CLEC16A: variants seen among roughly 807,000 people sequenced by gnomAD.
The protein encoded by CLEC16A is protein CLEC16A.
In CLEC16A, 51 loss-of-function variants were observed where a neutral mutation model predicts 109.5. The ratio of observed to expected loss-of-function variants is 0.47; its 90% CI spans 0.37 to 0.59. CLEC16A has a LOEUF of 0.59. Ranked by LOEUF, CLEC16A falls within the 20% of genes least tolerant of loss-of-function variation. CLEC16A has a pLI of 0.00. For synonymous variants in CLEC16A, 673 were observed against 564.2 expected (o/e 1.19, Z -2.73); for missense variants, 1,339 against 1,394.0 (o/e 0.96, Z 0.63).
chr16:11,149,663 C>A (rs1326074404), intron 22 of CLEC16A, among the ~76,000 whole-genome samples: 1 of 152,024 alleles, frequency 6.6e-6, no homozygotes, highest in Admixed American at 6.6e-5. Flanking sequence ...ATGGTGCCCA[C>A]CGGTAATCCC....
At chr16:11,033,417 C>G (rs971113074) in intron 13 of CLEC16A, among the ~76,000 whole-genome samples, 2 of 152,106 alleles carry the variant, frequency 1.3e-5, no homozygotes, top group Non-Finnish European at 2.9e-5. Context: ...GGAGAAGAAA[C>G]GGAAAAGTTC....
At chr16:11,097,080 T>G (rs1056111652) in intron 19 of CLEC16A, among the ~76,000 whole-genome samples, 12 of 152,134 alleles carry the variant, frequency 7.9e-5, no homozygotes, top group Admixed American at 4.6e-4. Context: ...CCTTTTTAAG[T>G]CCTCCCCACC....
At chr16:11,006,858 C>G (rs2045051813) in intron 11 of CLEC16A, among the ~76,000 whole-genome samples, 1 of 150,214 alleles carries the variant, frequency 6.7e-6, no homozygotes, top group Admixed American at 6.7e-5. Flanking sequence ...TTTGCTCTGC[C>G]TCAGGTCCCA....
rs534994872 is a variant in CLEC16A at position 10,961,927 on chromosome 16, G to A, written c.210-528G>A. ...ACTGGCAGTTAAGGGGAAGAAAACC[G>A]TAGGGCTAAAGCTTTTTGGGAACTT... On this transcript the variant is annotated intron_variant, in intron 2 of 23. Transcript: ENST00000409790. This position sits in a 1 kb window ranked among gnomAD's most constrained non-coding sequence, Gnocchi z 4.3. 1.1e-4 allele frequency among the ~76,000 whole-genome samples: 16 copies of A among 151,660 alleles called. No individual in the cohort carries two copies. Among genetic ancestry groups the A allele is most frequent in the Admixed American group, 3.3e-4 (5 of 15,238 alleles).
At chr16:11,086,865 T>A (rs890411374) in intron 19 of CLEC16A, among the ~76,000 whole-genome samples, 7 of 152,260 alleles carry the variant, frequency 4.6e-5, no homozygotes, top group Non-Finnish European at 7.4e-5. Context: ...CCCATCTCCT[T>A]CAATTCAGTT....
At chr16:11,065,305 G>A (rs2048702422) in intron 19 of CLEC16A, among the ~76,000 whole-genome samples, 1 of 152,186 alleles carries the variant, frequency 6.6e-6, no homozygotes, top group African/African-American at 2.4e-5. Context: ...CTGGCAACCA[G>A]GTGTGTTCAG....
intron 1 of CLEC16A, 109 bp downstream of exon 1, chr16:10,944,906 G>C (rs956200754): frequency 3.7e-6 from 4 of 1,070,934 alleles, no homozygotes; most frequent in Non-Finnish European, 5.4e-6. Flanking sequence ...AAGGGCGCCC[G>C]GGGAAGCCCG....
chr16:11,108,881 C>T (rs12923054), intron 19 of CLEC16A, among the ~76,000 whole-genome samples: 44,869 of 151,728 alleles, frequency 0.3, 6,723 homozygotes, highest in South Asian at 0.38. Flanking sequence ...GAGGCCGAGG[C>T]GGGCGGATCA....
chr16:11,048,801 A>G (rs2047772591), intron 17 of CLEC16A, among the ~76,000 whole-genome samples: 1 of 151,914 alleles, frequency 6.6e-6, no homozygotes, highest in African/African-American at 2.4e-5. Context: ...TTAGAGTGGA[A>G]GGGATTCAGT....
intron 5 of CLEC16A, among the ~76,000 whole-genome samples, chr16:10,972,012 A>T (rs373337818): frequency 6.6e-6 from 1 of 152,226 alleles, no homozygotes; most frequent in Non-Finnish European, 1.5e-5. Context: ...CTGGGCTTAC[A>T]TTAAATTTAA....
chr16:11,093,461 C>G (rs897122833), intron 19 of CLEC16A, among the ~76,000 whole-genome samples: 4 of 152,170 alleles, frequency 2.6e-5, no homozygotes, highest in African/African-American at 9.7e-5. Flanking sequence ...AGTGTACAGG[C>G]CGGGAGCATG....
intron 20 of CLEC16A, 139 bp downstream of exon 20, chr16:11,120,905 T>C: frequency 1.0e-6 from 1 of 957,518 alleles, no homozygotes; most frequent in Admixed American, 4.2e-5. Context: ...GTGAACAAAT[T>C]GTCACCCAAA....
At chr16:11,011,620 A>G (rs2045418880) in intron 11 of CLEC16A, among the ~76,000 whole-genome samples, 1 of 152,172 alleles carries the variant, frequency 6.6e-6, no homozygotes, top group Admixed American at 6.5e-5. Context: ...TTAGAGGCCA[A>G]GATTTGGGCA....
chr16:11,043,489 C>G (rs1225173439), intron 15 of CLEC16A, among the ~76,000 whole-genome samples: 1 of 152,188 alleles, frequency 6.6e-6, no homozygotes. Flanking sequence ...TTAACAGCTT[C>G]TCATGCCATT....
rs5815604 is a variant in CLEC16A at position 10,961,968 on chromosome 16, C to CTT, written c.210-474_210-473dup. Among the ~76,000 whole-genome samples, 1,425 of 135,252 alleles carry CTT rather than the reference C, an allele frequency of 0.011. 30 individuals are homozygous for CTT. Among genetic ancestry groups the CTT allele is most frequent in the African/African-American group, 0.035 (1,274 of 36,208 alleles). The allele number at this position is 135,252 out of a possible 152,430, so 88.7% of individuals were successfully genotyped here. A position where few individuals can be genotyped will look rare whatever the true frequency, so the allele number is the denominator to read the frequency against. ...TTGGGAACTTTTTTTTCTTTTTTTT[C>CTT]TTTTTTTTTTTTTTGGCTCTGTCAC... is the stretch of plus-strand genomic sequence containing the variant. On this transcript the variant is annotated intron_variant, in intron 2 of 23. Coordinates refer to ENST00000409790, the MANE Select transcript of CLEC16A (RefSeq NM_015226.3). The surrounding 1 kb of genome is among the most constrained non-coding windows in gnomAD (Gnocchi z 4.3).
At chr16:11,113,160 C>T (rs958295244) in intron 19 of CLEC16A, among the ~76,000 whole-genome samples, 8 of 152,200 alleles carry the variant, frequency 5.3e-5, no homozygotes, top group South Asian at 4.1e-4. Flanking sequence ...CTTGGCTTCA[C>T]GCCATCACCT....
At chr16:11,045,932 C>G (rs1435782024) in intron 16 of CLEC16A, among the ~76,000 whole-genome samples, 1 of 152,154 alleles carries the variant, frequency 6.6e-6, no homozygotes, top group Non-Finnish European at 1.5e-5. Flanking sequence ...ATGACCCCAT[C>G]CAGCTGCAGC....
chr16:11,103,371 G>C (rs1451729475), intron 19 of CLEC16A, among the ~76,000 whole-genome samples: 1 of 152,206 alleles, frequency 6.6e-6, no homozygotes, highest in East Asian at 1.9e-4. Flanking sequence ...CCTGAGATCA[G>C]GGGTTTGAGA....
intron 19 of CLEC16A, among the ~76,000 whole-genome samples, chr16:11,082,277 T>G (rs2049767743): frequency 6.6e-6 from 1 of 152,206 alleles, no homozygotes; most frequent in Non-Finnish European, 1.5e-5. Flanking sequence ...GCAGATCTGC[T>G]CGTGGACAGT....
Sources: gnomAD v4.1 joint callset for allele counts (sites outside exome capture counted in the v4.1 genomes callset) on GRCh38, gnomAD v4.1.1 for gene constraint, Gnocchi (gnomAD v3.1) non-coding constraint, MANE v1.5 for transcripts, NCBI Gene and HGNC (gene_info 2026-07-23, HGNC 2026-07-21) for gene names.